Variants in CDC123 observed in about 807,000 individuals in gnomAD.
CDC123 encodes the protein translation initiation factor eIF2 assembly protein.
CDC123 carries 37 observed loss-of-function variants against 54.4 expected under a neutral mutation model. The ratio of observed to expected loss-of-function variants is 0.68; its 90% CI spans 0.52 to 0.89. CDC123 has a LOEUF of 0.89. Ranked by LOEUF, CDC123 falls within the 40% of genes least tolerant of loss-of-function variation. CDC123 has a pLI of 0.00. For synonymous variants in CDC123, 144 were observed against 136.8 expected (o/e 1.05, Z -0.37); for missense variants, 361 against 412.1 (o/e 0.88, Z 1.07).
intron 6 of CDC123, among the ~76,000 whole-genome samples, chr10:12,219,224 A>G (rs1196985333): frequency 1.3e-5 from 2 of 152,214 alleles, no homozygotes. Flanking sequence ...ATATTAATTC[A>G]AGAAAGGGAA....
chr10:12,223,606 AC>A (rs112585769), intron 6 of CDC123, among the ~76,000 whole-genome samples: 3,653 of 152,308 alleles, frequency 0.024, 146 homozygotes, highest in African/African-American at 0.083. Flanking sequence ...TATGAAGTCC[AC>A]AAAAAATAGC....
At chr10:12,212,011 C>T (rs530755380) in intron 4 of CDC123, among the ~76,000 whole-genome samples, 12 of 152,222 alleles carry the variant, frequency 7.9e-5, no homozygotes, top group Non-Finnish European at 2.9e-5. Flanking sequence ...TTGCTTGAAC[C>T]CAGGAGGTGG....
At chr10:12,245,892 G>A (rs1267617488) in intron 10 of CDC123, 3 of 310,576 alleles carry the variant, frequency 9.7e-6, no homozygotes, top group East Asian at 6.6e-5. Flanking sequence ...GCAACATGGC[G>A]AGACCCTGTC....
At chr10:12,241,628 CTTTT>C (rs1302189464) in intron 10 of CDC123, among the ~76,000 whole-genome samples, 1 of 152,052 alleles carries the variant, frequency 6.6e-6, no homozygotes, top group Non-Finnish European at 1.5e-5. Context: ...TTGGTTGTTT[CTTTT>C]TTGTTTTGTA....
At position 12,234,699 on chromosome 10, in the gene CDC123, G is replaced by A. The variant is rs577123256; in HGVS notation, c.490-349G>A. On this transcript the variant is annotated intron_variant, in intron 7 of 12. Transcript: ENST00000281141. ...TAGAATTTTAGCACAATTTTCCTGT[G>A]GTTATCAGAATAATAGATCACAACT... Among the ~76,000 whole-genome samples, 36 of 151,366 alleles carry A rather than the reference G, an allele frequency of 2.4e-4. No homozygotes were observed. The South Asian group carries it at 7.3e-3, about 31-fold the overall frequency.
intron 7 of CDC123, 39 bp downstream of exon 7, chr10:12,231,035 T>G (rs760375978): frequency 6.5e-7 from 1 of 1,531,704 alleles, no homozygotes; most frequent in Non-Finnish European, 9.0e-7. Flanking sequence ...TAGATGAAGA[T>G]GTGTTGAGAA....
chr10:12,210,545 C>G (rs572314414), intron 4 of CDC123, among the ~76,000 whole-genome samples: 284 of 151,790 alleles, frequency 1.9e-3, no homozygotes, highest in Non-Finnish European at 3.0e-3. Flanking sequence ...GGAAATATTT[C>G]GAGTGCGTAT....
At chr10:12,202,376 T>G (rs1835451054) in intron 2 of CDC123, among the ~76,000 whole-genome samples, 1 of 152,210 alleles carries the variant, frequency 6.6e-6, no homozygotes, top group African/African-American at 2.4e-5. Context: ...GTTTTTCCTC[T>G]GCTCTCACAC....
intron 4 of CDC123, among the ~76,000 whole-genome samples, chr10:12,214,466 C>G (rs1040496464): frequency 6.6e-6 from 1 of 152,204 alleles, no homozygotes; most frequent in Admixed American, 6.5e-5. Context: ...CTAAATTACT[C>G]TAGTCTCATT....
intron 2 of CDC123, among the ~76,000 whole-genome samples, chr10:12,201,976 A>G (rs1004667284): frequency 6.6e-5 from 10 of 152,192 alleles, no homozygotes; most frequent in African/African-American, 2.4e-4. Context: ...GAACAACTAG[A>G]TGAATGAAGA....
chr10:12,209,200 A>G (rs1835562549), intron 2 of CDC123, among the ~76,000 whole-genome samples: 1 of 151,824 alleles, frequency 6.6e-6, no homozygotes, highest in East Asian at 1.9e-4. Flanking sequence ...GAAAGGTTTT[A>G]TTCTGTCATC....
At chr10:12,216,922 G>T (rs988203292) in intron 5 of CDC123, among the ~76,000 whole-genome samples, 1 of 152,170 alleles carries the variant, frequency 6.6e-6, no homozygotes, top group Admixed American at 6.5e-5. Context: ...GGGTGTAACT[G>T]CTCCAGCCGC....
At chr10:12,249,813 T>A in intron 12 of CDC123, 95 bp downstream of exon 12, 6 of 1,448,434 alleles carry the variant, frequency 4.1e-6, no homozygotes, top group Non-Finnish European at 5.5e-6. Flanking sequence ...CTGTATCACC[T>A]AGACTTTGAT....
chr10:12,245,164 A>G (rs1356952732), intron 10 of CDC123: 11 of 152,268 alleles, frequency 7.2e-5, no homozygotes, highest in Non-Finnish European at 1.5e-4. Context: ...CTCCCCCTGA[A>G]CAGAGCACTG....
Position 12,249,662 on chromosome 10 carries a change from T to C in CDC123, c.928T>C (p.Phe310Leu). 1 of 1,614,200 alleles carries C rather than the reference T, an allele frequency of 6.2e-7. No individual in the cohort carries two copies. Among genetic ancestry groups the C allele is most frequent in the East Asian group, 2.2e-5 (1 of 44,896 alleles). The change falls in exon 12 of 13, where the codon TTT (phenylalanine) becomes CTT (leucine). Residue 310 changes from phenylalanine to leucine, a missense_variant. By Grantham distance (22) the Phe-to-Leu change is conservative. Coordinates refer to ENST00000281141, the MANE Select transcript of CDC123 (RefSeq NM_006023.3). ...PYLSYRLPKDFVDLSTGEDAH... is the reference protein window; with the variant it reads ...PYLSYRLPKDLVDLSTGEDAH... The stretch of plus-strand genomic sequence containing the variant: ...TTTGAGTTACCGGCTACCCAAGGAC[T>C]TTGTAGACCTCTCTACTGGGGAGGA...
intron 6 of CDC123, among the ~76,000 whole-genome samples, chr10:12,226,722 A>G (rs1357129411): frequency 6.8e-6 from 1 of 147,536 alleles, no homozygotes; most frequent in East Asian, 2.0e-4. Flanking sequence ...GACGCTCCCC[A>G]TTTCCTAGAC....
intron 11 of CDC123, chr10:12,246,968 C>G (rs1269090331): frequency 1.4e-5 from 2 of 147,390 alleles, no homozygotes; most frequent in African/African-American, 5.0e-5. Flanking sequence ...GTCCTCCTCT[C>G]TCTCACCTCC....
In CDC123 at chr10:12,196,804, A is replaced by C. The variant is rs369114780; in HGVS notation, c.74+485A>C. Among the ~76,000 whole-genome samples, 67 of 152,358 alleles carry C rather than the reference A, an allele frequency of 4.4e-4. No individual in the cohort carries two copies. The East Asian group carries it at 4.8e-3, about 11-fold the overall frequency. Reference sequence around the variant, plus strand: ...TCTTGAAAAACGGAGAGTGGATGTTAGTGTTCTCACCACAAAAATAACTAT... The same window carrying C: ...TCTTGAAAAACGGAGAGTGGATGTTCGTGTTCTCACCACAAAAATAACTAT... On this transcript the variant is annotated intron_variant, in intron 1 of 12. Transcript: ENST00000281141.
rs17151448 is a variant in CDC123 at position 12,233,935 on chromosome 10, G to A, written c.490-1113G>A. Among the ~76,000 whole-genome samples the A allele has an allele frequency of 5.4e-3, 815 of 151,824 alleles. 28 individuals carry two copies. In the East Asian group the frequency reaches 0.076, roughly 14 times the overall value. On this transcript the variant is annotated intron_variant, in intron 7 of 12. Transcript: ENST00000281141. ...AGACCCATTTGTGATTTAGGCCAAG[G>A]GTAGAATTGATCGACTAAAATATTG...
Sources: gnomAD v4.1 joint callset for allele counts (sites outside exome capture counted in the v4.1 genomes callset) on GRCh38, gnomAD v4.1.1 for gene constraint, MANE v1.5 for transcripts, NCBI Gene and HGNC (gene_info 2026-07-23, HGNC 2026-07-21) for gene names.